The following SCD5 variants were observed in gnomAD, a reference collection of about 807,000 sequenced individuals.
SCD5 encodes the protein stearoyl-CoA desaturase 5.
SCD5 carries 20 observed loss-of-function variants against 30.4 expected under a neutral mutation model. That is an observed-to-expected ratio of 0.66 (90% CI 0.46 to 0.96). The LOEUF is 0.96. SCD5 is among the 40% of genes least tolerant of loss of function. SCD5 has a pLI of 0.00. For synonymous variants in SCD5, 173 were observed against 176.4 expected, an observed-to-expected ratio of 0.98 and a Z score of 0.16; for missense variants, 381 against 443.3, an observed-to-expected ratio of 0.86 and a Z score of 1.26.
rs1727291339 is a variant in SCD5 at position 82,631,514 on chromosome 4, TC to T, written c.805del (p.Glu269LysfsTer21). The T allele has an allele frequency of 5.6e-6, 9 of 1,613,594 alleles. No individual in the cohort carries two copies. The highest frequency in any genetic ancestry group is 5.0e-5 in the Admixed American group (3 of 60,000). On this transcript the variant is annotated frameshift_variant and splice_region_variant, in exon 5 of 5. Coordinates refer to ENST00000319540, the MANE Select transcript of SCD5 (RefSeq NM_001037582.3). LOFTEE classifies it high-confidence loss of function. Reference protein sequence around the residue: ...NPLVALGAIGEGFHNYHHTFP... With the variant: ...NPLVALGAIGXGFHNYHHTFP... Reference sequence around the variant, plus strand: ...GGTGTGATGGTAATTATGGAAGCCTTCACCTGGAAGACAAAGCGGGCATTGA... The same window carrying T: ...GGTGTGATGGTAATTATGGAAGCCTTACCTGGAAGACAAAGCGGGCATTGA...
intron 1 of SCD5, among the ~76,000 whole-genome samples, chr4:82,766,394 A>G (rs1721486347): frequency 6.6e-6 from 1 of 152,150 alleles, no homozygotes; most frequent in Non-Finnish European, 1.5e-5. Context: ...ATGTATTTTC[A>G]TCTCAGATAT....
At chr4:82,665,463 A>C (rs1728165969) in intron 3 of SCD5, among the ~76,000 whole-genome samples, 1 of 152,114 alleles carries the variant, frequency 6.6e-6, no homozygotes, top group Non-Finnish European at 1.5e-5. Flanking sequence ...CAAAAAAGGA[A>C]ACATTACGTG....
intron 1 of SCD5, among the ~76,000 whole-genome samples, chr4:82,743,109 A>T (rs1431373160): frequency 1.3e-5 from 2 of 152,188 alleles, no homozygotes; most frequent in East Asian, 3.8e-4. Context: ...GATGATAAAC[A>T]TTAAATCAAG....
intron 2 of SCD5, among the ~76,000 whole-genome samples, chr4:82,688,929 C>T (rs531346245): frequency 2.0e-5 from 3 of 152,156 alleles, no homozygotes; most frequent in Non-Finnish European, 4.4e-5. Context: ...GTCATCTTGG[C>T]AAATAAGTTG....
At chr4:82,770,576 C>G (rs1721597956) in intron 1 of SCD5, among the ~76,000 whole-genome samples, 1 of 152,158 alleles carries the variant, frequency 6.6e-6, no homozygotes, top group African/African-American at 2.4e-5. Context: ...CCTCTTTATT[C>G]AGGGAAATAT....
chr4:82,747,083 A>T (rs1421264022), intron 1 of SCD5, among the ~76,000 whole-genome samples: 1 of 123,020 alleles, frequency 8.1e-6, no homozygotes, highest in Non-Finnish European at 2.0e-5. Flanking sequence ...CCCAAGAAAG[A>T]CGACCTTCCC....
intron 1 of SCD5, among the ~76,000 whole-genome samples, chr4:82,783,057 T>C (rs1721907922): frequency 6.6e-6 from 1 of 152,226 alleles, no homozygotes; most frequent in Non-Finnish European, 1.5e-5. Context: ...TTCCTGGGTC[T>C]GGCCCCCAGA....
rs140100430 is a variant in SCD5 at position 82,756,326 on chromosome 4, C to T, written c.232+41980G>A. Among the ~76,000 whole-genome samples, 42 of 152,328 alleles carry T rather than the reference C, an allele frequency of 2.8e-4. No homozygotes were observed. The East Asian group carries it at 7.5e-3, about 27-fold the overall frequency. ...ATGGCACAGTGATGATGAGAGCAGG[C>T]GCTGGAGTTAAACTACACGGCTGTG... On this transcript the variant is annotated intron_variant, in intron 1 of 4. Coordinates refer to ENST00000319540, the MANE Select transcript of SCD5 (RefSeq NM_001037582.3).
At chr4:82,784,601 CAAGT>C (rs1482329705) in intron 1 of SCD5, among the ~76,000 whole-genome samples, 16 of 152,298 alleles carry the variant, frequency 1.1e-4, no homozygotes, top group African/African-American at 3.6e-4. Context: ...TCTATTCAGA[CAAGT>C]GAGTGAAAGC....
intron 3 of SCD5, among the ~76,000 whole-genome samples, chr4:82,640,818 C>A (rs1217441914): frequency 6.6e-6 from 1 of 152,240 alleles, no homozygotes; most frequent in Non-Finnish European, 1.5e-5. Flanking sequence ...CTCCACGACG[C>A]CCTCTTGCAC....
intron 1 of SCD5, among the ~76,000 whole-genome samples, chr4:82,790,219 A>G (rs1722073261): frequency 6.6e-6 from 1 of 152,038 alleles, no homozygotes; most frequent in Non-Finnish European, 1.5e-5. Context: ...GTTCCTCCAC[A>G]CTAGAAATCA....
At chr4:82,753,856 C>T (rs952995501) in intron 1 of SCD5, among the ~76,000 whole-genome samples, 1 of 152,122 alleles carries the variant, frequency 6.6e-6, no homozygotes, top group Non-Finnish European at 1.5e-5. Context: ...ATTCCATTTC[C>T]TTGAGGCCCT....
chr4:82,761,552 C>G (rs928378969), intron 1 of SCD5, among the ~76,000 whole-genome samples: 3 of 152,288 alleles, frequency 2.0e-5, no homozygotes, highest in African/African-American at 7.2e-5. Context: ...TCCATTCCCA[C>G]AGCACCTTCT....
At chr4:82,763,483 C>A (rs915972600) in intron 1 of SCD5, among the ~76,000 whole-genome samples, 3 of 152,148 alleles carry the variant, frequency 2.0e-5, no homozygotes, top group Non-Finnish European at 4.4e-5. Context: ...TGCACTCCAG[C>A]CTGGGTGACA....
At chr4:82,660,588 A>C in intron 3 of SCD5, 1 of 1,251,868 alleles carries the variant, frequency 8.0e-7, no homozygotes, top group Non-Finnish European at 1.0e-6. Flanking sequence ...GTATTCTCCC[A>C]ATAATTTTGT....
At chr4:82,732,936 G>T (rs1439635037) in intron 1 of SCD5, among the ~76,000 whole-genome samples, 1 of 152,088 alleles carries the variant, frequency 6.6e-6, no homozygotes, top group Non-Finnish European at 1.5e-5. Context: ...TGTTATTTTT[G>T]TCACTACCAG....
chr4:82,700,769 G>A (rs999100206), intron 2 of SCD5, among the ~76,000 whole-genome samples: 6 of 125,244 alleles, frequency 4.8e-5, no homozygotes, highest in East Asian at 2.7e-4. Flanking sequence ...CCTGGGTGAC[G>A]GAGTGAGACC....
rs908137382 is a variant in SCD5, at chr4:82,741,230, G to A, written c.233-35817C>T. On this transcript the variant is annotated intron_variant, in intron 1 of 4. Coordinates refer to ENST00000319540, the MANE Select transcript of SCD5 (RefSeq NM_001037582.3). ...TGGGATTACAGGCATGAACCACTGC[G>A]CCCAGCCTCTTTTCCCACTTCTTAT... is the stretch of plus-strand genomic sequence containing the variant. Among the ~76,000 whole-genome samples the A allele has an allele frequency of 4.6e-5, 7 of 152,002 alleles. No homozygotes were observed. In the East Asian group the frequency reaches 7.7e-4, roughly 17 times the overall value.
At chr4:82,779,893 C>A (rs1721832158) in intron 1 of SCD5, among the ~76,000 whole-genome samples, 1 of 152,204 alleles carries the variant, frequency 6.6e-6, no homozygotes, top group Non-Finnish European at 1.5e-5. Context: ...ACTATTCAGA[C>A]TAAATAGGTC....
Sources: gnomAD v4.1 joint callset for allele counts (sites outside exome capture counted in the v4.1 genomes callset) on GRCh38, gnomAD v4.1.1 for gene constraint, MANE v1.5 for transcripts, NCBI Gene and HGNC (gene_info 2026-07-23, HGNC 2026-07-21) for gene names.